Variants in KLHL18 observed in about 807,000 individuals in gnomAD.
KLHL18 encodes the protein kelch like family member 18, also known as kelch-like protein 18.
Under a neutral mutation model 58.5 loss-of-function variants are expected in KLHL18, and 38 were observed. The observed-to-expected ratio is 0.65, with a 90% CI of 0.50 to 0.85. KLHL18 has a LOEUF of 0.85. Among genes scored for constraint, KLHL18 ranks in the 40% least tolerant of loss-of-function variants. KLHL18 has a pLI of 0.00. For missense variants in KLHL18, 624 were observed against 778.4 expected (o/e 0.80, Z 2.36); for synonymous variants, 303 against 301.9 (o/e 1.00, Z -0.04).
At chr3:47,283,165 A>T in intron 1 of KLHL18, 71 bp downstream of exon 1, 1 of 1,105,020 alleles carries the variant, frequency 9.0e-7, no homozygotes, top group Non-Finnish European at 1.2e-6. Context: ...GGCGGGGGAC[A>T]GAGAAAGAGA....
At position 47,319,656 on chromosome 3, in the gene KLHL18, G is replaced by A. The variant is rs1354076816; in HGVS notation, c.133G>A (p.Gly45Arg). 1.2e-6 allele frequency: 2 copies of A among 1,611,976 alleles called. No homozygotes were observed. Among genetic ancestry groups the A allele is most frequent in the Non-Finnish European group, 1.7e-6 (2 of 1,178,850 alleles). Residue 45 changes from glycine to arginine, a missense_variant, in exon 2 of 10, where the codon GGG (glycine) becomes AGG (arginine). Transcript: ENST00000232766. ...GKLCDVTLKI[G>R]DHKFSAHRIV... ...TTGTATTTTACTTTGCCCACAGATT[G>A]GGGACCACAAATTCAGTGCCCACCG...
At chr3:47,316,712 T>C (rs1344922584) in intron 1 of KLHL18, among the ~76,000 whole-genome samples, 2 of 72,462 alleles carry the variant, frequency 2.8e-5, no homozygotes, top group African/African-American at 4.6e-5. Flanking sequence ...TATACGTATA[T>C]ATGTATATGT....
intron 1 of KLHL18, among the ~76,000 whole-genome samples, chr3:47,295,468 C>T (rs1702876062): frequency 6.6e-6 from 1 of 152,190 alleles, no homozygotes; most frequent in Admixed American, 6.5e-5. Flanking sequence ...TCACATCTGC[C>T]AAGCAGAGCC....
rs118081820 is a variant in KLHL18, at chr3:47,300,637, C to T, written c.129+17543C>T. Among the ~76,000 whole-genome samples the T allele has an allele frequency of 3.8e-3, 292 of 76,618 alleles. 1 individual carries two copies. The highest frequency in any genetic ancestry group is 7.8e-3 in the South Asian group (14 of 1,790). The allele number at this position is 76,618 out of a possible 152,430, so 50.3% of individuals were successfully genotyped here. A position where few individuals can be genotyped will look rare whatever the true frequency, so the allele number is the denominator to read the frequency against. ...TGAGTAGTGGTATCTCATTGTGATT[C>T]TTTTTTTTTTTTTTTTTTTGAGACA... On this transcript the variant is annotated intron_variant, in intron 1 of 9. Transcript: ENST00000232766.
intron 2 of KLHL18, among the ~76,000 whole-genome samples, chr3:47,322,341 T>C (rs1703608038): frequency 6.6e-6 from 1 of 152,246 alleles, no homozygotes; most frequent in Admixed American, 6.5e-5. Context: ...TGTTGACTTT[T>C]TCAGTAGTGA....
At chr3:47,337,047 T>G (rs1000999085) in intron 7 of KLHL18, 5 of 330,696 alleles carry the variant, frequency 1.5e-5, no homozygotes, top group Non-Finnish European at 2.3e-5. Context: ...TATGGAAGAT[T>G]CGAAGAGGGA....
rs1704173066 is a variant in KLHL18 at position 47,344,031 on chromosome 3, A to C, written c.*90A>C. The C allele has an allele frequency of 2.6e-6, 4 of 1,517,876 alleles. No individual in the cohort carries two copies. In the East Asian group the frequency reaches 9.0e-5, roughly 34 times the overall value. 94.0% of individuals were successfully genotyped at this position (1,517,876 alleles called of 1,614,324 possible). ...AGTCCCTCAGGAGAGGCAGTGGACC[A>C]GAAGAGATGGCGAAACGTGAGCTCG... is the stretch of plus-strand genomic sequence containing the variant. On this transcript the variant is annotated 3_prime_UTR_variant, in exon 10 of 10. Transcript: ENST00000232766.
At chr3:47,339,482 C>A in intron 7 of KLHL18, among the ~76,000 whole-genome samples, 1 of 147,734 alleles carries the variant, frequency 6.8e-6, no homozygotes. Context: ...TAGAGCAAGA[C>A]CTCATCTCAA....
At chr3:47,342,569 G>C in intron 8 of KLHL18, 150 bp from the exon 9 acceptor site, 1 of 639,158 alleles carries the variant, frequency 1.6e-6, no homozygotes, top group Non-Finnish European at 2.7e-6. Flanking sequence ...AGAGGCGGCA[G>C]CCAGGGAGAA....
At chr3:47,284,850 G>A (rs1206550545) in intron 1 of KLHL18, among the ~76,000 whole-genome samples, 3 of 151,860 alleles carry the variant, frequency 2.0e-5, no homozygotes, top group South Asian at 4.2e-4. Flanking sequence ...ACAGAGTCTC[G>A]CTGTGTGGCA....
Position 47,307,097 on chromosome 3 carries a change from AGTCTTGCTCC to A in KLHL18, c.130-12552_130-12543del, listed in dbSNP as rs372702211. Among the ~76,000 whole-genome samples, 197 of 152,104 alleles carry A rather than the reference AGTCTTGCTCC, an allele frequency of 1.3e-3. 4 individuals are homozygous for A. The South Asian group carries it at 0.038, about 29-fold the overall frequency. On this transcript the variant is annotated intron_variant, in intron 1 of 9. Coordinates refer to ENST00000232766, the MANE Select transcript of KLHL18 (RefSeq NM_025010.5). The stretch of plus-strand genomic sequence containing the variant: ...GTAACTTGTCTTTTTTTCGAGATGG[AGTCTTGCTCC>A]GTCACCCAGGCTGGAGTGCAGTGGC...
At chr3:47,294,889 G>A (rs1702865345) in intron 1 of KLHL18, among the ~76,000 whole-genome samples, 1 of 152,170 alleles carries the variant, frequency 6.6e-6, no homozygotes, top group African/African-American at 2.4e-5. Flanking sequence ...GCCGGAGCCA[G>A]AAGACTAATT....
chr3:47,297,333 G>C (rs1702918143), intron 1 of KLHL18, among the ~76,000 whole-genome samples: 1 of 152,194 alleles, frequency 6.6e-6, no homozygotes, highest in Non-Finnish European at 1.5e-5. Flanking sequence ...ATATGAACCT[G>C]TGTCTCTCTG....
chr3:47,341,307 G>A (rs951560935), intron 8 of KLHL18, among the ~76,000 whole-genome samples: 2 of 152,164 alleles, frequency 1.3e-5, no homozygotes, highest in Non-Finnish European at 2.9e-5. Context: ...CAAATTAGTT[G>A]AATGGACTTA....
intron 3 of KLHL18, among the ~76,000 whole-genome samples, chr3:47,326,071 C>A (rs764758449): frequency 2.0e-5 from 3 of 152,166 alleles, no homozygotes; most frequent in Non-Finnish European, 4.4e-5. Context: ...CCTCAGCCTC[C>A]GGAGCAGCTG....
At chr3:47,337,048 C>T (rs1205367489) in intron 7 of KLHL18, 5 of 315,276 alleles carry the variant, frequency 1.6e-5, no homozygotes, top group African/African-American at 8.4e-5. Context: ...ATGGAAGATT[C>T]GAAGAGGGAG....
At position 47,334,858 on chromosome 3, in the gene KLHL18, C is replaced by A; in HGVS notation, c.898+39C>A. 2 of 1,572,310 alleles carry A rather than the reference C, an allele frequency of 1.3e-6. No homozygotes were observed. The highest frequency in any genetic ancestry group is 8.6e-7 in the Non-Finnish European group (1 of 1,156,298). On this transcript the variant is annotated intron_variant, in intron 6 of 9. Coordinates refer to ENST00000232766, the MANE Select transcript of KLHL18 (RefSeq NM_025010.5). The surrounding 1 kb of genome is among the most constrained non-coding windows in gnomAD (Gnocchi z 4.7). ...CCCCTTTATAGACCCTCCTCTTGGA[C>A]TCCATGGATGAGGAAGCACCAGACA...
intron 1 of KLHL18, among the ~76,000 whole-genome samples, chr3:47,313,583 G>A (rs1703355667): frequency 6.6e-6 from 1 of 152,052 alleles, no homozygotes; most frequent in South Asian, 2.1e-4. Flanking sequence ...TTAAGCCAGA[G>A]GAACTGAAAG....
intron 1 of KLHL18, among the ~76,000 whole-genome samples, chr3:47,295,309 T>C (rs1263068897): frequency 6.6e-6 from 1 of 152,174 alleles, no homozygotes; most frequent in Non-Finnish European, 1.5e-5. Flanking sequence ...GTATTCTTGA[T>C]ATTCAGAGTC....
Sources: allele counts gnomAD v4.1 joint callset (sites outside exome capture counted in the v4.1 genomes callset), GRCh38; gene constraint gnomAD v4.1.1; non-coding constraint Gnocchi (gnomAD v3.1); transcripts MANE v1.5; gene names NCBI Gene and HGNC (gene_info 2026-07-23, HGNC 2026-07-21).